Variants in STK32B observed in about 807,000 individuals in gnomAD.
STK32B encodes serine/threonine-protein kinase 32B.
Under a neutral mutation model 52.6 loss-of-function variants are expected in STK32B, and 43 were observed. That is an observed-to-expected ratio of 0.82 (90% CI 0.64 to 1.05). The LOEUF (loss-of-function observed/expected upper bound fraction) is 1.05, where lower values mean the gene tolerates loss of function less well. Ranked by LOEUF, STK32B falls within the 50% of genes least tolerant of loss-of-function variation. STK32B has a pLI of 0.00. For missense variants in STK32B, 621 were observed against 534.6 expected (o/e 1.16, Z -1.59); for synonymous variants, 238 against 204.3 (o/e 1.17, Z -1.41).
At chr4:5,209,808 G>C (rs1722797480) in intron 3 of STK32B, among the ~76,000 whole-genome samples, 1 of 152,108 alleles carries the variant, frequency 6.6e-6, no homozygotes, top group South Asian at 2.1e-4. Flanking sequence ...TGAGAAAGTA[G>C]GTTGGATACT....
At chr4:5,325,882 G>C (rs1293727622) in intron 3 of STK32B, among the ~76,000 whole-genome samples, 1 of 152,168 alleles carries the variant, frequency 6.6e-6, no homozygotes, top group African/African-American at 2.4e-5. Context: ...CAAAGCTGTA[G>C]AATAGTGCAA....
chr4:5,171,300 T>A (rs201934436), intron 3 of STK32B, among the ~76,000 whole-genome samples: 7 of 151,740 alleles, frequency 4.6e-5, no homozygotes, highest in Non-Finnish European at 8.8e-5. Context: ...GTGCAGAAGC[T>A]CTTTAGTTTA....
At chr4:5,142,642 G>C (rs975055113) in intron 2 of STK32B, among the ~76,000 whole-genome samples, 1 of 152,200 alleles carries the variant, frequency 6.6e-6, no homozygotes, top group Non-Finnish European at 1.5e-5. Flanking sequence ...CTGTTTTCCT[G>C]ACATGACTTG....
intron 4 of STK32B, among the ~76,000 whole-genome samples, chr4:5,337,444 G>T (rs551011511): frequency 7.9e-5 from 12 of 152,216 alleles, no homozygotes; most frequent in African/African-American, 2.9e-4. Flanking sequence ...CAAAATGAAT[G>T]AATGAATCAA....
intron 4 of STK32B, among the ~76,000 whole-genome samples, chr4:5,389,410 G>A (rs924696676): frequency 2.0e-5 from 3 of 152,174 alleles, no homozygotes; most frequent in African/African-American, 4.8e-5. Context: ...AGCAGGTTTC[G>A]TTTCCTCTGA....
intron 6 of STK32B, among the ~76,000 whole-genome samples, chr4:5,439,566 TGATGGTAGTTTC>T (rs1325301230): frequency 5.3e-5 from 8 of 151,510 alleles, no homozygotes; most frequent in Admixed American, 2.0e-4. Flanking sequence ...CTGTTCACTC[TGATGGTAGTTTC>T]TTTTGCTGTG....
chr4:5,465,373 A>G (rs913924199), intron 9 of STK32B, among the ~76,000 whole-genome samples: 14 of 152,064 alleles, frequency 9.2e-5, no homozygotes, highest in African/African-American at 3.4e-4. Flanking sequence ...GACTTTCCCC[A>G]GTTCTGTCTG....
intron 3 of STK32B, among the ~76,000 whole-genome samples, chr4:5,249,486 CCTTCCTTCCTT>C (rs1560259411): frequency 2.1e-5 from 3 of 145,428 alleles, no homozygotes; most frequent in Non-Finnish European, 3.0e-5. Flanking sequence ...TTCCTTCCTT[CCTTCCTTCCTT>C]CCTTCCTCCC....
intron 1 of STK32B, among the ~76,000 whole-genome samples, chr4:5,081,607 C>T (rs974301839): frequency 6.6e-6 from 1 of 151,852 alleles, no homozygotes; most frequent in African/African-American, 2.4e-5. Context: ...TGGATAATTT[C>T]AAAAGACCTT....
At position 5,186,205 on chromosome 4, in the gene STK32B, G is replaced by A. The variant is rs116989590; in HGVS notation, c.260+17755G>A. On this transcript the variant is annotated intron_variant, in intron 3 of 11. Transcript: ENST00000282908. ...CTCACCTCCTCCATCAGCCCTCCTC[G>A]GGACACCAGCCCCAGACAGTGGTGC... is the stretch of plus-strand genomic sequence containing the variant. Among the ~76,000 whole-genome samples, 85 of 152,178 alleles carry A rather than the reference G, an allele frequency of 5.6e-4. No individual in the cohort carries two copies. In the East Asian group the frequency reaches 0.012, roughly 21 times the overall value.
intron 6 of STK32B, 109 bp from the exon 7 acceptor site, chr4:5,446,564 A>C: frequency 1.0e-6 from 1 of 985,826 alleles, no homozygotes; most frequent in Non-Finnish European, 1.5e-6. Context: ...CTCAAAAAAA[A>C]ACAAAAAAAA....
chr4:5,024,798 C>A, the STK32B span, among the ~76,000 whole-genome samples: 1 of 152,216 alleles, frequency 6.6e-6, no homozygotes. Context: ...TAGCCCTCAA[C>A]CGATGATTCA....
chr4:5,019,386 C>A, the STK32B span: 1 of 1,499,802 alleles, frequency 6.7e-7, no homozygotes, highest in South Asian at 1.3e-5. Context: ...GAGTGGGCCG[C>A]GCGGCGGGGG....
chr4:5,181,687 A>G (rs1378934974), intron 3 of STK32B, among the ~76,000 whole-genome samples: 1 of 152,240 alleles, frequency 6.6e-6, no homozygotes, highest in Non-Finnish European at 1.5e-5. Context: ...GTGCAATAGA[A>G]TTATGTCTAA....
the STK32B span, among the ~76,000 whole-genome samples, chr4:5,032,145 C>T: frequency 4.6e-5 from 7 of 150,902 alleles, no homozygotes; most frequent in Admixed American, 2.6e-4. Flanking sequence ...AGACTAGTAG[C>T]CAGTTATGAC....
intron 1 of STK32B, among the ~76,000 whole-genome samples, chr4:5,104,993 G>C (rs1714021600): frequency 6.6e-6 from 1 of 152,212 alleles, no homozygotes; most frequent in Non-Finnish European, 1.5e-5. Context: ...AGGTCATAGA[G>C]TATGCCTGTG....
chr4:5,138,511 A>G (rs760400610), intron 1 of STK32B, among the ~76,000 whole-genome samples: 1 of 152,196 alleles, frequency 6.6e-6, no homozygotes, highest in African/African-American at 2.4e-5. Context: ...CACTATGAAT[A>G]TGGAGATTAG....
rs1460096814 is a variant in STK32B, at chr4:5,058,882, C to T, written c.52+6967C>T. Among the ~76,000 whole-genome samples the T allele has an allele frequency of 6.6e-6, 1 of 152,054 alleles. No homozygotes were observed. The highest frequency in any genetic ancestry group is 1.5e-5 in the Non-Finnish European group (1 of 68,010). On this transcript the variant is annotated intron_variant, in intron 1 of 11. Transcript: ENST00000282908. The surrounding 1 kb of genome is among the most constrained non-coding windows in gnomAD (Gnocchi z 4.8). ...TCTCATGCCTCAGCCTCCCCAGTACCTGGGATTACAGGCAGGTGCCACCAT... is the reference window on the plus strand; with the variant it reads ...TCTCATGCCTCAGCCTCCCCAGTACTTGGGATTACAGGCAGGTGCCACCAT...
chr4:5,430,765 T>TGA (rs1349431902), intron 6 of STK32B, among the ~76,000 whole-genome samples: 1 of 152,216 alleles, frequency 6.6e-6, no homozygotes, highest in Non-Finnish European at 1.5e-5. Context: ...TGAGTTTTGT[T>TGA]GTTCTGTGGT....
Sources: gnomAD v4.1 joint callset for allele counts (sites outside exome capture counted in the v4.1 genomes callset) on GRCh38, gnomAD v4.1.1 for gene constraint, Gnocchi (gnomAD v3.1) non-coding constraint, MANE v1.5 for transcripts, NCBI Gene and HGNC (gene_info 2026-07-23, HGNC 2026-07-21) for gene names.